SHISA6: variants seen among roughly 807,000 people sequenced by gnomAD.
The protein encoded by SHISA6 is protein shisa-6.
Under a neutral mutation model 47.9 loss-of-function variants are expected in SHISA6, and 22 were observed. That is an observed-to-expected ratio of 0.46 (90% confidence interval 0.33 to 0.66). SHISA6 has a LOEUF of 0.66. SHISA6 is among the 30% of genes least tolerant of loss of function. The pLI, the probability that SHISA6 is intolerant of heterozygous loss-of-function variation, is 0.02. For missense variants in SHISA6, 680 were observed against 764.6 expected, an observed-to-expected ratio of 0.89 and a Z score of 1.30; for synonymous variants, 388 against 337.8, an observed-to-expected ratio of 1.15 and a Z score of -1.63.
At chr17:11,342,127 C>T (rs574931029) in intron 2 of SHISA6, among the ~76,000 whole-genome samples, 11 of 152,062 alleles carry the variant, frequency 7.2e-5, no homozygotes, top group Non-Finnish European at 1.0e-4. Context: ...GAGAAGCCTC[C>T]GCCCACTTTG....
At chr17:11,497,118 G>C (rs1277552404) in intron 3 of SHISA6, among the ~76,000 whole-genome samples, 1 of 152,036 alleles carries the variant, frequency 6.6e-6, no homozygotes, top group African/African-American at 2.4e-5. Context: ...CTGAGGACCA[G>C]CTCTGCTAGG....
chr17:11,533,051 T>C (rs2071750876), intron 3 of SHISA6, among the ~76,000 whole-genome samples: 1 of 152,158 alleles, frequency 6.6e-6, no homozygotes, highest in South Asian at 2.1e-4. Context: ...CTATGAAATC[T>C]GCCCAAATGC....
At chr17:11,461,366 C>T (rs1470618926) in intron 3 of SHISA6, among the ~76,000 whole-genome samples, 2 of 139,954 alleles carry the variant, frequency 1.4e-5, no homozygotes, top group Non-Finnish European at 3.0e-5. Context: ...CACTGCACTC[C>T]AGCCTGGGCA....
intron 1 of SHISA6, among the ~76,000 whole-genome samples, chr17:11,250,398 C>T (rs1318494699): frequency 5.9e-5 from 9 of 152,222 alleles, no homozygotes; most frequent in Admixed American, 5.2e-4. Context: ...CCAGTGAGCA[C>T]TGCTGATCAA....
chr17:11,354,228 G>A (rs7210512), intron 2 of SHISA6, among the ~76,000 whole-genome samples: 50,159 of 152,006 alleles, frequency 0.33, 8,694 homozygotes, highest in Non-Finnish European at 0.38. Flanking sequence ...AATCATCTGG[G>A]GACCTTGTTC....
intron 3 of SHISA6, among the ~76,000 whole-genome samples, chr17:11,500,001 C>T (rs1233941325): frequency 2.0e-5 from 3 of 152,208 alleles, no homozygotes; most frequent in Non-Finnish European, 4.4e-5. Flanking sequence ...CGTGCCTGGC[C>T]TTGTCCCTCT....
chr17:11,543,823 A>G (rs1194363716), intron 3 of SHISA6, among the ~76,000 whole-genome samples: 1 of 150,194 alleles, frequency 6.7e-6, no homozygotes, highest in African/African-American at 2.5e-5. Context: ...TACCCAACTG[A>G]TTTTTTGAAA....
rs139483858 is a variant in SHISA6, at chr17:11,512,289, AAC to A, written c.896-39605_896-39604del. Among the ~76,000 whole-genome samples, 1,458 of 152,312 alleles carry A rather than the reference AAC, an allele frequency of 9.6e-3. 28 individuals are homozygous for A. The highest frequency in any genetic ancestry group is 0.032 in the African/African-American group (1,312 of 41,566). On this transcript the variant is annotated intron_variant, in intron 3 of 5. Transcript: ENST00000441885. ...TTGCCTTTCCTTTCAGGAAAATGAA[AAC>A]AGTCTCACCTCCTGTGGTTCCTTTT...
At chr17:11,385,358 G>T (rs185370135) in intron 3 of SHISA6, among the ~76,000 whole-genome samples, 26 of 152,124 alleles carry the variant, frequency 1.7e-4, no homozygotes, top group Non-Finnish European at 3.5e-4. Context: ...GTGGTTGGAG[G>T]TGTGGTCAGA....
chr17:11,471,517 T>C (rs1312712523), intron 3 of SHISA6, among the ~76,000 whole-genome samples: 1 of 152,206 alleles, frequency 6.6e-6, no homozygotes, highest in African/African-American at 2.4e-5. Context: ...TTCTCTGATA[T>C]GCCCAGCTTC....
At chr17:11,272,114 TG>T (rs1000340237) in intron 2 of SHISA6, among the ~76,000 whole-genome samples, 2 of 152,126 alleles carry the variant, frequency 1.3e-5, no homozygotes, top group African/African-American at 4.8e-5. Flanking sequence ...CCCACAGTTT[TG>T]GGGGGTTCTG....
At chr17:11,370,549 C>T (rs1193771163) in intron 2 of SHISA6, among the ~76,000 whole-genome samples, 1 of 152,170 alleles carries the variant, frequency 6.6e-6, no homozygotes. Flanking sequence ...GAACTGCTTT[C>T]GGGAGGATCC....
chr17:11,405,189 C>G (rs2142267493), intron 3 of SHISA6, among the ~76,000 whole-genome samples: 1 of 152,330 alleles, frequency 6.6e-6, no homozygotes. Flanking sequence ...TGATACACAA[C>G]TGTGATCAGT....
chr17:11,308,384 A>C (rs1166462014), intron 2 of SHISA6, among the ~76,000 whole-genome samples: 1 of 150,814 alleles, frequency 6.6e-6, no homozygotes, highest in Non-Finnish European at 1.5e-5. Flanking sequence ...TCCTAACCTC[A>C]TATGTGCACA....
intron 3 of SHISA6, among the ~76,000 whole-genome samples, chr17:11,483,530 A>G (rs1916272038): frequency 6.6e-6 from 1 of 152,206 alleles, no homozygotes; most frequent in Admixed American, 6.5e-5. Flanking sequence ...AGCAACAAGA[A>G]CAAAAAAACA....
intron 3 of SHISA6, among the ~76,000 whole-genome samples, chr17:11,455,989 A>G (rs1915524281): frequency 1.4e-5 from 2 of 144,714 alleles, no homozygotes; most frequent in African/African-American, 5.3e-5. Context: ...GGAAGTCCAT[A>G]TTGTCTTAAC....
At chr17:11,429,813 TC>T (rs1914700127) in intron 3 of SHISA6, among the ~76,000 whole-genome samples, 4 of 134,302 alleles carry the variant, frequency 3.0e-5, no homozygotes, top group African/African-American at 8.6e-5. Flanking sequence ...AATAAATAAA[TC>T]CAATCAATCA....
intron 2 of SHISA6, among the ~76,000 whole-genome samples, chr17:11,275,479 G>A (rs542626158): frequency 6.6e-6 from 1 of 152,198 alleles, no homozygotes; most frequent in African/African-American, 2.4e-5. Flanking sequence ...TGGATGTCAA[G>A]CGTCAGCAAT....
At chr17:11,274,951 G>T (rs4792115) in intron 2 of SHISA6, among the ~76,000 whole-genome samples, 82,363 of 151,758 alleles carry the variant, frequency 0.54, 22,589 homozygotes, top group Admixed American at 0.62. Context: ...GATGGAAAAC[G>T]GGGGTCCACA....
Sources: gnomAD v4.1 joint callset for allele counts (sites outside exome capture counted in the v4.1 genomes callset) on GRCh38, gnomAD v4.1.1 for gene constraint, MANE v1.5 for transcripts, NCBI Gene and HGNC (gene_info 2026-07-23, HGNC 2026-07-21) for gene names.